SNX29: variants seen among roughly 807,000 people sequenced by gnomAD.
SNX29 encodes the protein sorting nexin-29.
In SNX29, 78 loss-of-function variants were observed where a neutral mutation model predicts 102.1. That is an observed-to-expected ratio of 0.76 (90% CI 0.64 to 0.92). The LOEUF (loss-of-function observed/expected upper bound fraction) is 0.92. SNX29 is among the 40% of genes least tolerant of loss of function. SNX29 has a pLI of 0.00. For missense variants in SNX29, 1,280 were observed against 1,061.7 expected (o/e 1.21, Z -2.86); for synonymous variants, 580 against 414.5 (o/e 1.40, Z -4.85).
In SNX29 at chr16:12,478,416, T is replaced by C. The variant is rs548001135; in HGVS notation, c.2178+557T>C. On this transcript the variant is annotated intron_variant, in intron 19 of 20. Transcript: ENST00000566228. The stretch of plus-strand genomic sequence containing the variant: ...GAGGAGTTTGTTGTTGTTGTTGTTA[T>C]ATGGTTATTCACCTCATGAAGGTTA... 1.4e-4 allele frequency among the ~76,000 whole-genome samples: 22 copies of C among 152,340 alleles called. No individual in the cohort carries two copies. In the South Asian group the frequency reaches 4.6e-3, roughly 32 times the overall value.
At position 12,570,325 on chromosome 16, in the gene SNX29, C is replaced by G. The variant is rs756907382; in HGVS notation, c.*1696C>G. 571 of 894,424 alleles carry G rather than the reference C, an allele frequency of 6.4e-4. No homozygotes were observed. The highest frequency in any genetic ancestry group is 1.4e-3 in the Middle Eastern group (3 of 2,108). 55.4% of individuals were successfully genotyped at this position (894,424 alleles called of 1,614,324 possible). A position where few individuals can be genotyped will look rare whatever the true frequency, so the allele number is the denominator to read the frequency against. The stretch of plus-strand genomic sequence containing the variant: ...GACCCGAGACATCCTGTAAAGGCAA[C>G]TTGGTCTCCCTCCCACTCACCTGCC... On this transcript the variant is annotated 3_prime_UTR_variant, in exon 21 of 21. Coordinates refer to ENST00000566228, the MANE Select transcript of SNX29 (RefSeq NM_032167.5).
At chr16:12,326,020 C>A (rs115822100) in intron 15 of SNX29, among the ~76,000 whole-genome samples, 1,608 of 151,720 alleles carry the variant, frequency 0.011, 22 homozygotes, top group African/African-American at 0.037. Context: ...CAGAGGGAGA[C>A]CCTGTCTTTT....
At chr16:12,008,387 G>A (rs951442451) in intron 3 of SNX29, among the ~76,000 whole-genome samples, 2 of 151,580 alleles carry the variant, frequency 1.3e-5, no homozygotes, top group Non-Finnish European at 2.9e-5. Context: ...CTCTTGCCTC[G>A]GCCTTCCAGG....
Position 12,572,853 on chromosome 16 carries a change from A to C in SNX29, c.*4224A>C. 1 of 1,063,710 alleles carries C rather than the reference A, an allele frequency of 9.4e-7. No individual in the cohort carries two copies. The highest frequency in any genetic ancestry group is 1.1e-6 in the Non-Finnish European group (1 of 878,166). 65.9% of individuals were successfully genotyped at this position (1,063,710 alleles called of 1,614,324 possible). A position where few individuals can be genotyped will look rare whatever the true frequency, so the allele number is the denominator to read the frequency against. Reference sequence around the variant, plus strand: ...AGGGGCAGCCTCATGCCCAGGTTTCAGCCCTAAAGGTAATGATTGTCTTGA... The same window carrying C: ...AGGGGCAGCCTCATGCCCAGGTTTCCGCCCTAAAGGTAATGATTGTCTTGA... On this transcript the variant is annotated 3_prime_UTR_variant, in exon 21 of 21. Coordinates refer to ENST00000566228, the MANE Select transcript of SNX29 (RefSeq NM_032167.5).
intron 14 of SNX29, among the ~76,000 whole-genome samples, chr16:12,269,130 G>C (rs28661303): frequency 6.6e-6 from 1 of 152,200 alleles, no homozygotes; most frequent in Non-Finnish European, 1.5e-5. Context: ...AGGAGAGAAG[G>C]CTTCTTGTTT....
rs553281181 is a variant in SNX29, at chr16:12,197,552, C to G, written c.1596-2049C>G. ...TGCTACTGCACTCCAGCCTGGGCGA[C>G]AGAGTGAGACTGCATCTCAAAAACA... On this transcript the variant is annotated intron_variant, in intron 13 of 20. Transcript: ENST00000566228. Among the ~76,000 whole-genome samples, 23 of 152,302 alleles carry G rather than the reference C, an allele frequency of 1.5e-4. 1 individual carries two copies. In the South Asian group the frequency reaches 2.5e-3, roughly 16 times the overall value.
intron 13 of SNX29, among the ~76,000 whole-genome samples, chr16:12,147,798 A>G (rs1381114872): frequency 6.6e-6 from 1 of 152,214 alleles, no homozygotes; most frequent in Non-Finnish European, 1.5e-5. Context: ...GTCACTGAAC[A>G]TGAAGCCTGG....
intron 18 of SNX29, among the ~76,000 whole-genome samples, chr16:12,445,379 G>A (rs536020409): frequency 1.2e-4 from 19 of 152,224 alleles, no homozygotes; most frequent in South Asian, 4.2e-4. Context: ...ATGCTGAGCC[G>A]TCCTCCATTC....
chr16:12,514,926 A>AAGAAAGAG (rs1472143567), intron 19 of SNX29, among the ~76,000 whole-genome samples: 3 of 150,324 alleles, frequency 2.0e-5, no homozygotes, highest in African/African-American at 7.5e-5. Flanking sequence ...GAGAGAAAGA[A>AAGAAAGAG]AGAAAGAAAG....
At chr16:12,539,430 G>C (rs2077223909) in intron 20 of SNX29, among the ~76,000 whole-genome samples, 1 of 152,188 alleles carries the variant, frequency 6.6e-6, no homozygotes, top group African/African-American at 2.4e-5. Context: ...AGTCAGCAGT[G>C]TTTTTATTAC....
intron 15 of SNX29, among the ~76,000 whole-genome samples, chr16:12,285,787 A>G (rs914578726): frequency 3.3e-5 from 5 of 151,834 alleles, no homozygotes; most frequent in Non-Finnish European, 7.4e-5. Context: ...TCAGGATAAA[A>G]AACTCTGAGC....
chr16:12,482,473 T>C (rs1021038897), intron 19 of SNX29, among the ~76,000 whole-genome samples: 6 of 151,992 alleles, frequency 3.9e-5, no homozygotes, highest in Non-Finnish European at 8.8e-5. Flanking sequence ...GTCTGATATT[T>C]CAGTTTTTTG....
chr16:12,507,991 A>C (rs2089452205), intron 19 of SNX29, among the ~76,000 whole-genome samples: 1 of 152,202 alleles, frequency 6.6e-6, no homozygotes, highest in African/African-American at 2.4e-5. Context: ...TGGGCCTGGA[A>C]GCCGTGTGGA....
chr16:12,423,045 A>G (rs1190714392), intron 18 of SNX29, among the ~76,000 whole-genome samples: 1 of 152,170 alleles, frequency 6.6e-6, no homozygotes. Context: ...AAACACACAC[A>G]CAAAAACCCA....
At chr16:12,538,986 T>A (rs938779931) in intron 20 of SNX29, among the ~76,000 whole-genome samples, 4 of 152,154 alleles carry the variant, frequency 2.6e-5, no homozygotes, top group African/African-American at 9.7e-5. Context: ...AGGGAGAAGA[T>A]AGAACAGACC....
chr16:11,983,779 T>A, intron 1 of SNX29: 1 of 864,692 alleles, frequency 1.2e-6, no homozygotes, highest in South Asian at 5.3e-5. Flanking sequence ...TTTTATAGAT[T>A]TCTCCAAATT....
intron 20 of SNX29, among the ~76,000 whole-genome samples, chr16:12,525,499 C>T (rs2076754938): frequency 6.6e-6 from 1 of 152,068 alleles, no homozygotes; most frequent in Non-Finnish European, 1.5e-5. Context: ...ATGTTGAAAT[C>T]CTGTCTCTAC....
chr16:12,114,133 A>G (rs11642033), intron 11 of SNX29, among the ~76,000 whole-genome samples: 22,220 of 152,214 alleles, frequency 0.15, 1,967 homozygotes, highest in Middle Eastern at 0.23. Flanking sequence ...AACTCAGTGT[A>G]GGTTCCACAT....
intron 18 of SNX29, among the ~76,000 whole-genome samples, chr16:12,475,046 T>C (rs1033141507): frequency 2.6e-4 from 39 of 152,378 alleles, no homozygotes; most frequent in African/African-American, 8.9e-4. Flanking sequence ...CATGTGATCC[T>C]GGCATAGCTG....
Sources: gnomAD v4.1 joint callset for allele counts (sites outside exome capture counted in the v4.1 genomes callset) on GRCh38, gnomAD v4.1.1 for gene constraint, MANE v1.5 for transcripts, NCBI Gene and HGNC (gene_info 2026-07-23, HGNC 2026-07-21) for gene names.